Variants in ERC2 observed in about 807,000 individuals in gnomAD.
ERC2 encodes the protein ELKS/RAB6-interacting/CAST family member 2, also known as ERC protein 2.
A neutral mutation model predicts 114.8 loss-of-function variants in ERC2; 42 were observed. The observed-to-expected ratio is 0.37, with a 90% CI of 0.29 to 0.47. The LOEUF (loss-of-function observed/expected upper bound fraction) is 0.47, where lower values mean the gene tolerates loss of function less well. ERC2 is among the 20% of genes least tolerant of loss of function. The probability of loss-of-function intolerance (pLI) is 0.99; values close to 1 mark genes in which losing one functional copy is unlikely to be tolerated. For synonymous variants in ERC2, 454 were observed against 425.5 expected, an observed-to-expected ratio of 1.07 and a Z score of -0.82; for missense variants, 939 against 1,150.7, an observed-to-expected ratio of 0.82 and a Z score of 2.66.
At chr3:55,785,790 C>T (rs1221249073) in intron 14 of ERC2, among the ~76,000 whole-genome samples, 2 of 152,180 alleles carry the variant, frequency 1.3e-5, no homozygotes, top group Non-Finnish European at 2.9e-5. Flanking sequence ...TCTCCTGCCC[C>T]GCTGAGTTCA....
intron 2 of ERC2, among the ~76,000 whole-genome samples, chr3:56,348,890 AGG>A (rs1560642105): frequency 0.14 from 6,935 of 51,270 alleles, 254 homozygotes; most frequent in Non-Finnish European, 0.21. Flanking sequence ...GAAGGAAGGA[AGG>A]AAGGAAGGAA....
At chr3:55,521,766 A>G (rs570906214) in intron 17 of ERC2, among the ~76,000 whole-genome samples, 1 of 152,342 alleles carries the variant, frequency 6.6e-6, no homozygotes, top group Admixed American at 6.5e-5. Flanking sequence ...ACAGCAGGAA[A>G]AGTAAGCTGC....
At chr3:56,396,433 C>G (rs79281709) in intron 2 of ERC2, among the ~76,000 whole-genome samples, 3,204 of 152,188 alleles carry the variant, frequency 0.021, 110 homozygotes, top group African/African-American at 0.074. Context: ...GGCAACAAAG[C>G]AAGATTCTGT....
chr3:56,253,800 G>C (rs917112725), intron 3 of ERC2, among the ~76,000 whole-genome samples: 8 of 152,192 alleles, frequency 5.3e-5, no homozygotes, highest in African/African-American at 1.9e-4. Flanking sequence ...AGCACTTTGA[G>C]AGGCCAAGGC....
At chr3:55,806,916 A>G (rs533714182) in intron 14 of ERC2, among the ~76,000 whole-genome samples, 1 of 152,324 alleles carries the variant, frequency 6.6e-6, no homozygotes, top group African/African-American at 2.4e-5. Flanking sequence ...TCCTTCATTC[A>G]GCAGGTATGC....
intron 3 of ERC2, among the ~76,000 whole-genome samples, chr3:56,270,292 A>C (rs1247353545): frequency 6.6e-6 from 1 of 152,210 alleles, no homozygotes. Context: ...AAATGATCAA[A>C]CCTGAAGAAT....
intron 14 of ERC2, among the ~76,000 whole-genome samples, chr3:55,819,324 G>T (rs548945293): frequency 7.2e-5 from 11 of 152,238 alleles, no homozygotes; most frequent in African/African-American, 2.2e-4. Context: ...TGCAGGCCAG[G>T]GTTTGATTAG....
At position 55,941,438 on chromosome 3, in the gene ERC2, A is replaced by G. The variant is rs111883462; in HGVS notation, c.2403+8987T>C. Among the ~76,000 whole-genome samples, 1,261 of 152,094 alleles carry G rather than the reference A, an allele frequency of 8.3e-3. 15 individuals are homozygous for G. The highest frequency in any genetic ancestry group is 0.029 in the African/African-American group (1,211 of 41,486). ...CTCAATTAGAGTCAACAGCCCTCCAAATGGCTATCTCAGCTCCAGAGCAAC... is the reference window on the plus strand; with the variant it reads ...CTCAATTAGAGTCAACAGCCCTCCAGATGGCTATCTCAGCTCCAGAGCAAC... On this transcript the variant is annotated intron_variant, in intron 13 of 17. Transcript: ENST00000288221.
intron 17 of ERC2, among the ~76,000 whole-genome samples, chr3:55,603,979 C>G (rs58300985): frequency 1.8e-4 from 27 of 152,162 alleles, no homozygotes; most frequent in African/African-American, 1.2e-4. Context: ...TTTCACCCCC[C>G]CCAGCATGTC....
intron 2 of ERC2, among the ~76,000 whole-genome samples, chr3:56,431,297 G>A (rs2061778618): frequency 6.6e-6 from 1 of 152,140 alleles, no homozygotes; most frequent in South Asian, 2.1e-4. Context: ...CACCATATAT[G>A]TGTCTCTCCT....
At chr3:55,652,951 C>G (rs1159317037) in intron 17 of ERC2, among the ~76,000 whole-genome samples, 3 of 150,958 alleles carry the variant, frequency 2.0e-5, no homozygotes, top group African/African-American at 7.3e-5. Flanking sequence ...AGCGCACTGA[C>G]TGTGTACTGA....
chr3:55,891,162 T>C (rs1163892089), intron 13 of ERC2, among the ~76,000 whole-genome samples: 1 of 152,170 alleles, frequency 6.6e-6, no homozygotes, highest in African/African-American at 2.4e-5. Flanking sequence ...TGGGTGTGGC[T>C]TTGGCCAATT....
At chr3:56,135,627 T>G (rs1423560640) in intron 6 of ERC2, among the ~76,000 whole-genome samples, 1 of 152,238 alleles carries the variant, frequency 6.6e-6, no homozygotes, top group Non-Finnish European at 1.5e-5. Context: ...TCATAGACTG[T>G]GACATGAAGG....
chr3:56,281,113 C>T lies in ERC2; in HGVS notation c.1074+14906G>A, dbSNP rs114894554. Among the ~76,000 whole-genome samples the T allele has an allele frequency of 7.4e-3, 1,123 of 152,240 alleles. 5 individuals are homozygous for T. Among genetic ancestry groups the T allele is most frequent in the South Asian group, 0.02 (95 of 4,826 alleles). On this transcript the variant is annotated intron_variant, in intron 3 of 17. Coordinates refer to ENST00000288221, the MANE Select transcript of ERC2 (RefSeq NM_015576.3). ...TTCCCCAGTCATTTTCTAAATGTAT[C>T]GAATACTTCATTTGCTATAGGACAT...
At chr3:56,226,190 T>C (rs982893172) in intron 3 of ERC2, among the ~76,000 whole-genome samples, 8 of 152,152 alleles carry the variant, frequency 5.3e-5, no homozygotes, top group Non-Finnish European at 1.2e-4. Flanking sequence ...ATTGTTCCTA[T>C]GAGCAATCGA....
At chr3:55,736,888 G>A (rs2065668566) in intron 14 of ERC2, among the ~76,000 whole-genome samples, 1 of 152,090 alleles carries the variant, frequency 6.6e-6, no homozygotes, top group Non-Finnish European at 1.5e-5. Flanking sequence ...GATGATTTTT[G>A]CGTAGGAAAT....
At chr3:55,961,045 G>T (rs779066336) in intron 12 of ERC2, among the ~76,000 whole-genome samples, 1 of 152,186 alleles carries the variant, frequency 6.6e-6, no homozygotes, top group Admixed American at 6.6e-5. Flanking sequence ...GAGCTACTCC[G>T]CTGGGGCGGA....
At position 56,007,161 on chromosome 3, in the gene ERC2, T is replaced by G. The variant is rs1313030659; in HGVS notation, c.2061+20A>C. 1 of 1,534,492 alleles carries G rather than the reference T, an allele frequency of 6.5e-7. No individual in the cohort carries two copies. The highest frequency in any genetic ancestry group is 8.8e-7 in the Non-Finnish European group (1 of 1,142,372). On this transcript the variant is annotated intron_variant, in intron 10 of 17. Coordinates refer to ENST00000288221, the MANE Select transcript of ERC2 (RefSeq NM_015576.3). ...TTCATTTTTAAATAAGCATGATTCTTTTTCTTAGACTTCACTTACCTTTTT... is the reference window on the plus strand; with the variant it reads ...TTCATTTTTAAATAAGCATGATTCTGTTTCTTAGACTTCACTTACCTTTTT...
chr3:55,994,821 A>G (rs9827086), intron 10 of ERC2, among the ~76,000 whole-genome samples: 58,396 of 151,898 alleles, frequency 0.38, 11,601 homozygotes, highest in Middle Eastern at 0.53. Context: ...AGTCTTTTCA[A>G]ACAAGTAAGT....
Sources: gnomAD v4.1 joint callset for allele counts (sites outside exome capture counted in the v4.1 genomes callset) on GRCh38, gnomAD v4.1.1 for gene constraint, MANE v1.5 for transcripts, NCBI Gene and HGNC (gene_info 2026-07-23, HGNC 2026-07-21) for gene names.